The following CWC27 variants were observed in gnomAD, a reference collection of about 807,000 sequenced individuals.
CWC27 encodes CWC27 spliceosome associated cyclophilin.
CWC27 carries 47 observed loss-of-function variants against 63.6 expected under a neutral mutation model. That is an observed-to-expected ratio of 0.74 (90% CI 0.58 to 0.94). The LOEUF (loss-of-function observed/expected upper bound fraction) is 0.94. Ranked by LOEUF, CWC27 falls within the 40% of genes least tolerant of loss-of-function variation. The pLI is 0.00. For missense variants in CWC27, 495 were observed against 554.3 expected, an observed-to-expected ratio of 0.89 and a Z score of 1.07; for synonymous variants, 175 against 179.8, an observed-to-expected ratio of 0.97 and a Z score of 0.22.
intron 10 of CWC27, among the ~76,000 whole-genome samples, chr5:64,881,130 G>T (rs1306123622): frequency 2.0e-5 from 3 of 151,976 alleles, no homozygotes; most frequent in Non-Finnish European, 1.5e-5. Flanking sequence ...AAGAGTTATG[G>T]ATTCCACAGT....
chr5:64,847,753 A>G (rs1227254586), intron 10 of CWC27, among the ~76,000 whole-genome samples: 1 of 152,224 alleles, frequency 6.6e-6, no homozygotes, highest in Non-Finnish European at 1.5e-5. Context: ...ATACATGGAA[A>G]TTGCACAACA....
At chr5:64,797,458 T>C (rs1744315450) in intron 7 of CWC27, among the ~76,000 whole-genome samples, 1 of 152,174 alleles carries the variant, frequency 6.6e-6, no homozygotes, top group Non-Finnish European at 1.5e-5. Context: ...ATTTGGCTTT[T>C]CATATATTTC....
intron 10 of CWC27, among the ~76,000 whole-genome samples, chr5:64,883,386 T>C (rs961886917): frequency 6.6e-6 from 1 of 152,176 alleles, no homozygotes; most frequent in Non-Finnish European, 1.5e-5. Context: ...GCAAAACATC[T>C]ACATTTGGAA....
chr5:64,795,145 T>C (rs1175298793), intron 7 of CWC27, among the ~76,000 whole-genome samples: 1 of 152,138 alleles, frequency 6.6e-6, no homozygotes, highest in African/African-American at 2.4e-5. Flanking sequence ...TTTTATGAAA[T>C]TAAACTTTCC....
intron 11 of CWC27, among the ~76,000 whole-genome samples, chr5:64,922,478 G>T (rs913586328): frequency 6.6e-6 from 1 of 152,174 alleles, no homozygotes; most frequent in Admixed American, 6.5e-5. Flanking sequence ...ATATCCAGAA[G>T]TTCAGTTTGG....
intron 10 of CWC27, among the ~76,000 whole-genome samples, chr5:64,876,424 C>A (rs1219062261): frequency 6.6e-6 from 1 of 152,022 alleles, no homozygotes; most frequent in Non-Finnish European, 1.5e-5. Flanking sequence ...GAATTCTTAT[C>A]AGATGTTGGG....
At chr5:64,978,627 TG>T (rs1403395822) in intron 13 of CWC27, among the ~76,000 whole-genome samples, 4 of 139,852 alleles carry the variant, frequency 2.9e-5, no homozygotes, top group Non-Finnish European at 6.2e-5. Context: ...TTTTTGGCGG[TG>T]GGGGGGATTC....
intron 10 of CWC27, among the ~76,000 whole-genome samples, chr5:64,822,244 G>T (rs964308255): frequency 4.6e-5 from 7 of 152,166 alleles, no homozygotes; most frequent in African/African-American, 1.7e-4. Context: ...TGTTTGATAG[G>T]TAATTTGCAT....
chr5:64,894,787 A>C (rs1390623879), intron 11 of CWC27, among the ~76,000 whole-genome samples: 1 of 152,236 alleles, frequency 6.6e-6, no homozygotes, highest in African/African-American at 2.4e-5. Flanking sequence ...AACCCTAAGG[A>C]CATTTGTTAA....
At chr5:64,959,036 T>G (rs909132318) in intron 11 of CWC27, among the ~76,000 whole-genome samples, 5 of 152,128 alleles carry the variant, frequency 3.3e-5, no homozygotes, top group African/African-American at 1.2e-4. Flanking sequence ...ATGCTGAAAA[T>G]GAAAACTGGT....
chr5:64,947,857 T>A (rs1748619743), intron 11 of CWC27, among the ~76,000 whole-genome samples: 1 of 152,074 alleles, frequency 6.6e-6, no homozygotes, highest in Non-Finnish European at 1.5e-5. Flanking sequence ...GATGTTCATT[T>A]TGGGCATTAT....
At chr5:64,800,385 T>C in intron 8 of CWC27, 58 bp downstream of exon 8, 1 of 1,314,742 alleles carries the variant, frequency 7.6e-7, no homozygotes, top group Non-Finnish European at 1.1e-6. Flanking sequence ...GATAATTTTC[T>C]TGCTTCTTCT....
intron 10 of CWC27, among the ~76,000 whole-genome samples, chr5:64,839,679 C>G (rs73101359): frequency 2.0e-5 from 3 of 152,072 alleles, no homozygotes; most frequent in Non-Finnish European, 4.4e-5. Context: ...CAGACTATTT[C>G]GGCTTTCTTT....
chr5:64,823,589 A>G (rs1291390659), intron 10 of CWC27, among the ~76,000 whole-genome samples: 1 of 152,192 alleles, frequency 6.6e-6, no homozygotes, highest in African/African-American at 2.4e-5. Context: ...ATCAGATGCA[A>G]TTACTGCCTA....
intron 11 of CWC27, among the ~76,000 whole-genome samples, chr5:64,961,077 A>G (rs1239745115): frequency 3.9e-5 from 6 of 152,222 alleles, no homozygotes; most frequent in Admixed American, 3.9e-4. Context: ...TAGGTAGCCA[A>G]TGAAGAGACT....
In CWC27 at chr5:64,804,266, T is replaced by C. The variant is rs369432186; in HGVS notation, c.818T>C (p.Ile273Thr). The C allele has an allele frequency of 8.1e-6, 13 of 1,612,880 alleles. No individual in the cohort carries two copies. The highest frequency in any genetic ancestry group is 1.3e-5 in the African/African-American group (1 of 74,814). ...GAAAGTGCAGAGCATGATGAATATA[T>C]TGATGGTGATGAAAAGAACCTGATG... is the stretch of plus-strand genomic sequence containing the variant. ...EDESAEHDEY[I>T]DGDEKNLMRE... The change falls in exon 10 of 14, where the codon ATT becomes ACT. Residue 273 changes from isoleucine to threonine, a missense_variant. Transcript: ENST00000381070.
At chr5:64,788,664 G>A (rs927288832) in intron 6 of CWC27, among the ~76,000 whole-genome samples, 2 of 151,928 alleles carry the variant, frequency 1.3e-5, no homozygotes, top group Non-Finnish European at 2.9e-5. Context: ...TTTCTGTCAT[G>A]CTTTACTCAG....
intron 2 of CWC27, 78 bp downstream of exon 2, chr5:64,774,865 A>T (rs1743387665): frequency 1.2e-6 from 1 of 829,318 alleles, no homozygotes; most frequent in African/African-American, 1.7e-5. Flanking sequence ...ACAACATTGA[A>T]GACTAGTGTT....
At chr5:65,012,485 C>T (rs757648625) in intron 13 of CWC27, among the ~76,000 whole-genome samples, 13 of 152,214 alleles carry the variant, frequency 8.5e-5, no homozygotes, top group Middle Eastern at 6.8e-3. Flanking sequence ...CTGCGTTTAC[C>T]ACATCGTGGT....
Sources: allele counts gnomAD v4.1 joint callset (sites outside exome capture counted in the v4.1 genomes callset), GRCh38; gene constraint gnomAD v4.1.1; transcripts MANE v1.5; gene names NCBI Gene and HGNC (gene_info 2026-07-23, HGNC 2026-07-21).